Variants in NR2C2 observed in about 807,000 individuals in gnomAD.
NR2C2 encodes the protein Nuclear hormone receptor TR4.
A neutral mutation model predicts 62.9 loss-of-function variants in NR2C2; 6 were observed. The observed-to-expected ratio is 0.10, with a 90% CI of 0.05 to 0.19. The LOEUF (loss-of-function observed/expected upper bound fraction) is 0.19. Ranked by LOEUF, NR2C2 falls within the 10% of genes least tolerant of loss-of-function variation. The pLI, the probability that NR2C2 is intolerant of heterozygous loss-of-function variation, is 1.00. For synonymous variants in NR2C2, 272 were observed against 273.8 expected (o/e 0.99, Z 0.07); for missense variants, 479 against 762.7 (o/e 0.63, Z 4.38).
At chr3:15,007,613 G>C (rs2041223096) in intron 2 of NR2C2, among the ~76,000 whole-genome samples, 1 of 152,174 alleles carries the variant, frequency 6.6e-6, no homozygotes, top group African/African-American at 2.4e-5. Flanking sequence ...ATATGCCACT[G>C]TCTAACACAG....
At chr3:15,028,768 C>T (rs763421449) in intron 8 of NR2C2, 49 bp downstream of exon 8, 16 of 1,591,758 alleles carry the variant, frequency 1.0e-5, no homozygotes, top group Non-Finnish European at 1.4e-5. Context: ...GGACACCCTC[C>T]CTCTATTGTG....
Position 15,020,742 on chromosome 3 carries a change from T to C in NR2C2, c.377-11T>C, listed in dbSNP as rs1321664342. 6.2e-7 allele frequency: 1 copy of C among 1,611,962 alleles called. No individual in the cohort carries two copies. The highest frequency in any genetic ancestry group is 1.3e-5 in the African/African-American group (1 of 74,940). ...TCACAAAATATTTGTGTATTCTTTCTCCTGTTTCAGGCCGTCACTATGGGG... is the reference window on the plus strand; with the variant it reads ...TCACAAAATATTTGTGTATTCTTTCCCCTGTTTCAGGCCGTCACTATGGGG... On this transcript the variant is annotated splice_polypyrimidine_tract_variant and intron_variant, in intron 4 of 13. Coordinates refer to ENST00000425241, the MANE Select transcript of NR2C2 (RefSeq NM_001291694.2).
intron 5 of NR2C2, among the ~76,000 whole-genome samples, chr3:15,021,182 T>G (rs773243636): frequency 6.6e-6 from 1 of 152,210 alleles, no homozygotes; most frequent in South Asian, 2.1e-4. Context: ...GTGGAGTGGG[T>G]TGAACACAGG....
intron 4 of NR2C2, 111 bp from the exon 5 acceptor site, chr3:15,020,642 G>A (rs944753805): frequency 2.2e-5 from 27 of 1,246,058 alleles, no homozygotes; most frequent in Non-Finnish European, 2.7e-5. Context: ...ATCTAACAGT[G>A]TATGGCACCC....
chr3:15,038,179 A>C (rs2042157014), intron 12 of NR2C2, 42 bp downstream of exon 12: 1 of 1,571,458 alleles, frequency 6.4e-7, no homozygotes, highest in African/African-American at 1.4e-5. Context: ...TTCCACCTGT[A>C]TCTACTGATG....
intron 10 of NR2C2, chr3:15,034,398 T>C (rs1343010564): frequency 3.0e-6 from 1 of 333,614 alleles, no homozygotes; most frequent in Non-Finnish European, 5.5e-6. Context: ...CTGTAGGTAA[T>C]GATGGTTTGG....
rs1486286592 is a variant in NR2C2 at position 15,049,120 on chromosome 3, G to A, written c.*6112G>A. On this transcript the variant is annotated 3_prime_UTR_variant, in exon 14 of 14. Coordinates refer to ENST00000425241, the MANE Select transcript of NR2C2 (RefSeq NM_001291694.2). ...AATCAATGTCTTCAGTCTTGAAGAA[G>A]AATTTGCATTGTTGTGTTTGTATAT... is the stretch of plus-strand genomic sequence containing the variant. 1 of 152,596 alleles carries A rather than the reference G, an allele frequency of 6.6e-6. No individual in the cohort carries two copies. The highest frequency in any genetic ancestry group is 1.9e-4 in the East Asian group (1 of 5,204). The allele number at this position is 152,596 out of a possible 1,614,324, so 9.5% of individuals were successfully genotyped here. A position where few individuals can be genotyped will look rare whatever the true frequency, so the allele number is the denominator to read the frequency against.
intron 5 of NR2C2, among the ~76,000 whole-genome samples, chr3:15,022,962 G>GT (rs879467697): frequency 1.2e-4 from 19 of 152,216 alleles, no homozygotes; most frequent in African/African-American, 2.9e-4. Flanking sequence ...CTGTGCTGCA[G>GT]TTTTTTTTAG....
intron 1 of NR2C2, among the ~76,000 whole-genome samples, chr3:14,989,658 G>T (rs2125360353): frequency 6.6e-6 from 1 of 152,108 alleles, no homozygotes; most frequent in African/African-American, 2.4e-5. Flanking sequence ...TTGACTGGGT[G>T]TGGTGGCTCA....
At chr3:14,977,428 G>C (rs539971700) in intron 1 of NR2C2, among the ~76,000 whole-genome samples, 1 of 151,974 alleles carries the variant, frequency 6.6e-6, no homozygotes, top group Admixed American at 6.6e-5. Context: ...TTTCATTTTT[G>C]ATATCTTATT....
chr3:15,021,238 AAGAG>A lies in NR2C2; in HGVS notation c.556+311_556+314del, dbSNP rs553539908. On this transcript the variant is annotated intron_variant, in intron 5 of 13. Coordinates refer to ENST00000425241, the MANE Select transcript of NR2C2 (RefSeq NM_001291694.2). ...CAAATCTACCTCCAGGTGTGCCACT[AAGAG>A]AGAGCTATGATGCCTGAGGATACAC... Among the ~76,000 whole-genome samples the A allele has an allele frequency of 4.0e-3, 605 of 152,260 alleles. 3 individuals are homozygous for A. Among genetic ancestry groups the A allele is most frequent in the Non-Finnish European group, 7.0e-3 (478 of 68,004 alleles).
chr3:14,968,413 T>C (rs1381656861), intron 1 of NR2C2, among the ~76,000 whole-genome samples: 2 of 151,878 alleles, frequency 1.3e-5, no homozygotes, highest in Non-Finnish European at 2.9e-5. Flanking sequence ...ATCAGAGAAA[T>C]GCAAATCAAA....
In NR2C2 at chr3:15,045,640, T is replaced by A. The variant is rs1309553635; in HGVS notation, c.*2632T>A. On this transcript the variant is annotated 3_prime_UTR_variant, in exon 14 of 14. Transcript: ENST00000425241. ...TTCAAGCCTCTGACTGCAGGTCCAT[T>A]TCATCTCCTGTCAGGTTGGTTAAGT... 1 of 152,678 alleles carries A rather than the reference T, an allele frequency of 6.5e-6. No homozygotes were observed. The highest frequency in any genetic ancestry group is 2.4e-5 in the African/African-American group (1 of 41,462). 9.5% of individuals were successfully genotyped at this position (152,678 alleles called of 1,614,324 possible). A position where few individuals can be genotyped will look rare whatever the true frequency, so the allele number is the denominator to read the frequency against.
chr3:14,992,858 C>A (rs200879169), intron 1 of NR2C2, among the ~76,000 whole-genome samples: 9 of 152,162 alleles, frequency 5.9e-5, no homozygotes, highest in Non-Finnish European at 1.3e-4. Flanking sequence ...TAATTGAGTC[C>A]TTTGGACTGG....
intron 1 of NR2C2, among the ~76,000 whole-genome samples, chr3:14,997,305 G>A: frequency 6.6e-6 from 1 of 152,156 alleles, no homozygotes; most frequent in East Asian, 1.9e-4. Flanking sequence ...GTAAGTACAT[G>A]TTATCATGTT....
chr3:15,033,919 A>G (rs1194444679), intron 10 of NR2C2, among the ~76,000 whole-genome samples: 1 of 152,176 alleles, frequency 6.6e-6, no homozygotes, highest in Admixed American at 6.5e-5. Flanking sequence ...CTAGATGTGC[A>G]TCTGGGGCAT....
intron 2 of NR2C2, 122 bp from the exon 3 acceptor site, chr3:15,013,467 A>G (rs2041413690): frequency 1.3e-6 from 1 of 770,580 alleles, no homozygotes; most frequent in Admixed American, 2.2e-5. Context: ...ACTGGTGAAA[A>G]TGCATGTTAG....
At chr3:14,969,343 A>G (rs1389714166) in intron 1 of NR2C2, among the ~76,000 whole-genome samples, 1 of 151,320 alleles carries the variant, frequency 6.6e-6, no homozygotes, top group Non-Finnish European at 1.5e-5. Flanking sequence ...CTTCCGTTCA[A>G]GCAATTTTCC....
chr3:15,034,459 T>C (rs903069885), intron 10 of NR2C2: 3 of 491,746 alleles, frequency 6.1e-6, no homozygotes, highest in Non-Finnish European at 1.1e-5. Context: ...TTTAAGAGAA[T>C]AGTTGATCAT....
Sources: gnomAD v4.1 joint callset for allele counts (sites outside exome capture counted in the v4.1 genomes callset) on GRCh38, gnomAD v4.1.1 for gene constraint, MANE v1.5 for transcripts, NCBI Gene and HGNC (gene_info 2026-07-23, HGNC 2026-07-21) for gene names.